The following CDK5RAP2 variants were observed in gnomAD, a reference collection of about 807,000 sequenced individuals.
CDK5RAP2 encodes the protein CDK5 regulatory subunit-associated protein 2.
In CDK5RAP2, 147 loss-of-function variants were observed where a neutral mutation model predicts 232.9. The observed-to-expected ratio is 0.63, with a 90% confidence interval of 0.55 to 0.72. The LOEUF (loss-of-function observed/expected upper bound fraction) is 0.72. Ranked by LOEUF, CDK5RAP2 falls within the 30% of genes least tolerant of loss-of-function variation. CDK5RAP2 has a pLI of 0.00. For synonymous variants in CDK5RAP2, 833 were observed against 833.7 expected (o/e 1.00, Z 0.01); for missense variants, 2,195 against 2,231.5 (o/e 0.98, Z 0.33).
intron 21 of CDK5RAP2, among the ~76,000 whole-genome samples, chr9:120,452,363 A>G (rs1212416181): frequency 6.6e-6 from 1 of 152,138 alleles, no homozygotes; most frequent in Admixed American, 6.5e-5. Context: ...TGCTAATGAT[A>G]TATCTAACTC....
At chr9:120,567,890 G>C (rs1203509052) in intron 3 of CDK5RAP2, among the ~76,000 whole-genome samples, 1 of 152,156 alleles carries the variant, frequency 6.6e-6, no homozygotes, top group Admixed American at 6.5e-5. Flanking sequence ...TTCCTAACCT[G>C]CAAAATGGGA....
intron 36 of CDK5RAP2, among the ~76,000 whole-genome samples, chr9:120,392,905 T>C (rs894057681): frequency 2.0e-5 from 3 of 152,238 alleles, no homozygotes; most frequent in Non-Finnish European, 4.4e-5. Context: ...AGCTCAGCCA[T>C]GGGATCTTGT....
At chr9:120,428,434 G>A (rs990294454) in intron 25 of CDK5RAP2, among the ~76,000 whole-genome samples, 30 of 152,146 alleles carry the variant, frequency 2.0e-4, no homozygotes, top group African/African-American at 6.3e-4. Flanking sequence ...TATCACCACC[G>A]ATCCCAAAGA....
At position 120,407,152 on chromosome 9, in the gene CDK5RAP2, C is replaced by T. The variant is rs199902405; in HGVS notation, c.4823G>A (p.Ser1608Asn). 1.1e-5 allele frequency: 18 copies of T among 1,613,948 alleles called. No homozygotes were observed. In the Admixed American group the frequency reaches 2.0e-4, roughly 18 times the overall value. The change falls in exon 32 of 38, where the codon AGC becomes AAC. Residue 1608 changes from serine (S) to asparagine (N), a missense_variant. Physicochemically the swap from Ser to Asn is conservative, Grantham distance 46 (BLOSUM62 1). Transcript: ENST00000349780. ...CTGCAGAGTGCTGCTGGTTTCGATG[C>T]TCCTTTCTAGTTGCAAGCGCAGAGC... The part of the protein sequence containing the change: ...IQALRLQLER[S>N]IETSSTLQSR...
intron 36 of CDK5RAP2, chr9:120,390,052 A>G: frequency 2.1e-6 from 1 of 477,874 alleles, no homozygotes; most frequent in East Asian, 4.0e-5. Flanking sequence ...ACAGCATGCT[A>G]TGCCGGTTCA....
Position 120,413,830 on chromosome 9 carries a change from A to AAGGAGGAG in CDK5RAP2, c.4297+1209_4297+1210insCTCCTCCT, listed in dbSNP as rs1554731832. Among the ~76,000 whole-genome samples, 120 of 93,270 alleles carry AAGGAGGAG rather than the reference A, an allele frequency of 1.3e-3. 2 individuals are homozygous for AAGGAGGAG. The East Asian group carries it at 0.05, about 39-fold the overall frequency. The allele number at this position is 93,270 out of a possible 152,430, so 61.2% of individuals were successfully genotyped here. A position where few individuals can be genotyped will look rare whatever the true frequency, so the allele number is the denominator to read the frequency against. Reference sequence around the variant, plus strand: ...AGCGAGGAGGGAGGAGGGAGGAGGGAGGAGGGAGGAGGGAAGGAGGAGGGA... The same window carrying AAGGAGGAG: ...AGCGAGGAGGGAGGAGGGAGGAGGGAAGGAGGAGGGAGGGAGGAGGGAAGGAGGAGGGA... On this transcript the variant is annotated intron_variant, in intron 28 of 37. Transcript: ENST00000349780.
At chr9:120,548,588 T>C (rs1288024085) in intron 4 of CDK5RAP2, among the ~76,000 whole-genome samples, 1 of 151,732 alleles carries the variant, frequency 6.6e-6, no homozygotes, top group Admixed American at 6.6e-5. Flanking sequence ...AGGAGGATGG[T>C]TTGAGGCTAG....
intron 19 of CDK5RAP2, 67 bp downstream of exon 19, chr9:120,460,505 G>T: frequency 6.9e-7 from 1 of 1,458,632 alleles, no homozygotes; most frequent in Non-Finnish European, 9.6e-7. Flanking sequence ...ACTCATTCCA[G>T]ACTCGAAGAC....
intron 22 of CDK5RAP2, among the ~76,000 whole-genome samples, chr9:120,446,121 C>T (rs1385518627): frequency 1.3e-5 from 2 of 152,190 alleles, no homozygotes; most frequent in Non-Finnish European, 2.9e-5. Flanking sequence ...GGTAACTACT[C>T]AATTCTGCCA....
chr9:120,418,777 T>C (rs2034389309), intron 27 of CDK5RAP2, among the ~76,000 whole-genome samples: 1 of 152,306 alleles, frequency 6.6e-6, no homozygotes, highest in Middle Eastern at 3.4e-3. Context: ...CTTCACACTC[T>C]AGGTATGTCT....
At chr9:120,429,506 A>G (rs2035141074) in intron 25 of CDK5RAP2, among the ~76,000 whole-genome samples, 1 of 152,226 alleles carries the variant, frequency 6.6e-6, no homozygotes, top group South Asian at 2.1e-4. Context: ...ACTCCCATTC[A>G]CAACTGCTTC....
chr9:120,511,986 C>T (rs2040113113), intron 12 of CDK5RAP2, among the ~76,000 whole-genome samples: 1 of 152,140 alleles, frequency 6.6e-6, no homozygotes, highest in Non-Finnish European at 1.5e-5. Flanking sequence ...GATCCACCCA[C>T]CTCGGCCTCC....
At chr9:120,558,397 AAAAG>A (rs1473594492) in intron 3 of CDK5RAP2, among the ~76,000 whole-genome samples, 9 of 150,306 alleles carry the variant, frequency 6.0e-5, no homozygotes, top group African/African-American at 2.0e-4. Context: ...AAAAAAAAAA[AAAAG>A]AATTTCTTTA....
intron 20 of CDK5RAP2, among the ~76,000 whole-genome samples, 175 bp from the exon 21 acceptor site, chr9:120,454,048 T>G (rs1392378437): frequency 1.3e-5 from 2 of 152,174 alleles, no homozygotes; most frequent in African/African-American, 4.8e-5. Flanking sequence ...CTGTGTAACC[T>G]CACGGCACCC....
At chr9:120,530,195 G>A (rs2041087719) in intron 7 of CDK5RAP2, 55 bp from the exon 8 acceptor site, 2 of 1,390,750 alleles carry the variant, frequency 1.4e-6, no homozygotes, top group Non-Finnish European at 2.0e-6. Flanking sequence ...TAGCTCAGTG[G>A]AGCTGGAGGA....
chr9:120,415,064 G>A lies in CDK5RAP2; in HGVS notation c.4273C>T (p.Arg1425Trp), dbSNP rs200356726. 62 of 1,614,106 alleles carry A rather than the reference G, an allele frequency of 3.8e-5. No homozygotes were observed. Among genetic ancestry groups the A allele is most frequent in the Admixed American group, 3.0e-4 (18 of 60,026 alleles). The change falls in exon 28 of 38, where the codon CGG (arginine) becomes TGG (tryptophan). Residue 1425 changes from arginine (R) to tryptophan (W), a missense_variant. Physicochemically the swap from Arg to Trp is moderately radical, Grantham distance 101. Coordinates refer to ENST00000349780, the MANE Select transcript of CDK5RAP2 (RefSeq NM_018249.6). ...CCTTGAACAAATTCAGATCCTTGCC[G>A]TTCCAACTGTTTCCGTAGCTTCTCA... ...TNEKLRKQLE[R>W]QGSEFVQGST...
At chr9:120,486,117 C>T (rs934767645) in intron 14 of CDK5RAP2, among the ~76,000 whole-genome samples, 1 of 152,172 alleles carries the variant, frequency 6.6e-6, no homozygotes, top group African/African-American at 2.4e-5. Flanking sequence ...ACTCCAACCA[C>T]CCTAGCTGCC....
At position 120,528,964 on chromosome 9, in the gene CDK5RAP2, C is replaced by T. The variant is rs143997161; in HGVS notation, c.826-167G>A. 280 of 646,630 alleles carry T rather than the reference C, an allele frequency of 4.3e-4. 1 individual carries two copies. The African/African-American group carries it at 4.7e-3, about 11-fold the overall frequency. 40.1% of individuals were successfully genotyped at this position (646,630 alleles called of 1,614,324 possible). A position where few individuals can be genotyped will look rare whatever the true frequency, so the allele number is the denominator to read the frequency against. On this transcript the variant is annotated intron_variant, in intron 8 of 37. Transcript: ENST00000349780. ...CTCTCCACCCCACCCAAAGCCCTGC[C>T]TGATTTGAATGAAGAAAAATGTGAA...
At chr9:120,461,969 C>T (rs2037116155) in intron 18 of CDK5RAP2, among the ~76,000 whole-genome samples, 1 of 152,188 alleles carries the variant, frequency 6.6e-6, no homozygotes, top group South Asian at 2.1e-4. Context: ...TTTCTGAATC[C>T]CTACATTTAG....
Sources: allele counts gnomAD v4.1 joint callset (sites outside exome capture counted in the v4.1 genomes callset), GRCh38; gene constraint gnomAD v4.1.1; transcripts MANE v1.5; gene names NCBI Gene and HGNC (gene_info 2026-07-23, HGNC 2026-07-21).